The following NR2C1 variants were observed in gnomAD, a reference collection of about 807,000 sequenced individuals.
NR2C1 encodes TR2 nuclear hormone receptor.
Under a neutral mutation model 74.8 loss-of-function variants are expected in NR2C1, and 33 were observed. That is an observed-to-expected ratio of 0.44 (90% confidence interval 0.33 to 0.59). The LOEUF (loss-of-function observed/expected upper bound fraction) is 0.59. Ranked by LOEUF, NR2C1 falls within the 20% of genes least tolerant of loss-of-function variation. The pLI is 0.02. For missense variants in NR2C1, 568 were observed against 715.6 expected, an observed-to-expected ratio of 0.79 and a Z score of 2.35; for synonymous variants, 225 against 240.6, an observed-to-expected ratio of 0.94 and a Z score of 0.60.
Position 95,047,741 on chromosome 12 carries a change from T to C in NR2C1, c.1131+1327A>G, listed in dbSNP as rs370153661. ...ACATCTTGCTAAGAGTATCCACAGC[T>C]GAGTGGTTAAAATGGAAGAGTCAAA... is the stretch of plus-strand genomic sequence containing the variant. On this transcript the variant is annotated intron_variant, in intron 9 of 13. Transcript: ENST00000333003. Among the ~76,000 whole-genome samples the C allele has an allele frequency of 1.5e-4, 23 of 152,294 alleles. 1 individual carries two copies. The East Asian group carries it at 3.1e-3, about 20-fold the overall frequency.
chr12:95,047,073 A>T (rs1872407735), intron 9 of NR2C1, among the ~76,000 whole-genome samples: 1 of 152,192 alleles, frequency 6.6e-6, no homozygotes, highest in African/African-American at 2.4e-5. Context: ...CATTAACAAT[A>T]AACAGGTAAA....
At chr12:95,057,701 A>C (rs118175758) in intron 6 of NR2C1, 30 bp downstream of exon 6, 3 of 1,612,670 alleles carry the variant, frequency 1.9e-6, no homozygotes, top group Middle Eastern at 3.3e-4. Context: ...AAACAAAATG[A>C]CCAGCTACTC....
At chr12:95,058,007 T>C in intron 5 of NR2C1, 129 bp from the exon 6 acceptor site, 2 of 846,454 alleles carry the variant, frequency 2.4e-6, no homozygotes, top group Non-Finnish European at 3.6e-6. Context: ...AAGATAACCA[T>C]CAATCTTTAG....
intron 3 of NR2C1, among the ~76,000 whole-genome samples, chr12:95,061,817 T>C (rs1335114222): frequency 6.6e-6 from 1 of 152,242 alleles, no homozygotes; most frequent in Non-Finnish European, 1.5e-5. Flanking sequence ...AACATCGACA[T>C]AACCACAGGC....
chr12:95,040,666 A>G (rs1565846667), intron 9 of NR2C1, 69 bp from the exon 10 acceptor site: 3 of 1,467,704 alleles, frequency 2.0e-6, no homozygotes, highest in Admixed American at 4.1e-5. Flanking sequence ...TTTCTTTGAA[A>G]AAGTTTAAAC....
chr12:95,058,105 C>T lies in NR2C1; in HGVS notation c.544+205G>A, dbSNP rs189841477. On this transcript the variant is annotated intron_variant, in intron 5 of 13. Coordinates refer to ENST00000333003, the MANE Select transcript of NR2C1 (RefSeq NM_003297.4). The stretch of plus-strand genomic sequence containing the variant: ...CATTCTTTTTGCCAAACACAAACTA[C>T]AAATACGTGCTTTTTACACAGGTAT... 231 of 660,656 alleles carry T rather than the reference C, an allele frequency of 3.5e-4. 1 individual carries two copies. The African/African-American group carries it at 3.8e-3, about 11-fold the overall frequency. The allele number at this position is 660,656 out of a possible 1,614,324, so 40.9% of individuals were successfully genotyped here.
intron 11 of NR2C1, among the ~76,000 whole-genome samples, chr12:95,028,854 C>T (rs1869698192): frequency 6.6e-6 from 1 of 152,116 alleles, no homozygotes; most frequent in African/African-American, 2.4e-5. Context: ...TTCTTGAACT[C>T]CTGGGCTCAA....
intron 9 of NR2C1, among the ~76,000 whole-genome samples, chr12:95,045,186 T>G (rs971763003): frequency 1.3e-5 from 2 of 152,202 alleles, no homozygotes; most frequent in Non-Finnish European, 2.9e-5. Flanking sequence ...AACCAGTAAG[T>G]GCTATTGTCT....
At chr12:95,057,952 G>T in intron 5 of NR2C1, 74 bp from the exon 6 acceptor site, 1 of 1,237,448 alleles carries the variant, frequency 8.1e-7, no homozygotes, top group Non-Finnish European at 1.2e-6. Context: ...CTGTAGGTAA[G>T]CTTAATGCTG....
At chr12:95,032,067 C>G (rs773598673) in intron 10 of NR2C1, among the ~76,000 whole-genome samples, 1 of 152,166 alleles carries the variant, frequency 6.6e-6, no homozygotes, top group Admixed American at 6.6e-5. Context: ...AAGGTTTTGC[C>G]GTCTTGACCA....
chr12:95,039,081 AC>A (rs1329026291), intron 10 of NR2C1, among the ~76,000 whole-genome samples: 1 of 152,062 alleles, frequency 6.6e-6, no homozygotes, highest in African/African-American at 2.4e-5. Flanking sequence ...AACAAAAAAA[AC>A]CCCAGAAAAC....
At chr12:95,044,644 G>A (rs539070795) in intron 9 of NR2C1, among the ~76,000 whole-genome samples, 4 of 152,040 alleles carry the variant, frequency 2.6e-5, no homozygotes, top group South Asian at 2.1e-4. Flanking sequence ...CAGCACTTTG[G>A]GGGGGCCGAG....
At chr12:95,028,331 T>G in intron 12 of NR2C1, 56 bp downstream of exon 12, 1 of 1,466,264 alleles carries the variant, frequency 6.8e-7, no homozygotes, top group Non-Finnish European at 9.3e-7. Context: ...TGAGGGCTTC[T>G]ATTTCTCCAC....
At chr12:95,029,559 C>CT (rs34742046) in intron 11 of NR2C1, among the ~76,000 whole-genome samples, 58,830 of 130,044 alleles carry the variant, frequency 0.45, 13,359 homozygotes, top group African/African-American at 0.51. Context: ...GTAATGGTTC[C>CT]TTTTTTTTTT....
chr12:95,056,811 T>C (rs931158621), intron 7 of NR2C1, among the ~76,000 whole-genome samples: 1 of 151,842 alleles, frequency 6.6e-6, no homozygotes, highest in South Asian at 2.1e-4. Context: ...ACAAAAAAAT[T>C]AGCTGGGTGT....
intron 9 of NR2C1, among the ~76,000 whole-genome samples, chr12:95,048,451 G>A (rs189880997): frequency 3.3e-5 from 5 of 152,190 alleles, no homozygotes; most frequent in African/African-American, 9.6e-5. Flanking sequence ...ACTTTTAAAC[G>A]CAATAACTGC....
intron 1 of NR2C1, among the ~76,000 whole-genome samples, chr12:95,071,994 C>G (rs892836514): frequency 1.3e-5 from 2 of 151,680 alleles, no homozygotes; most frequent in East Asian, 4.0e-4. Context: ...ATGATCCGCC[C>G]ACCTCAGCCT....
intron 2 of NR2C1, among the ~76,000 whole-genome samples, chr12:95,065,042 A>T (rs2136196877): frequency 6.6e-6 from 1 of 152,340 alleles, no homozygotes; most frequent in East Asian, 1.9e-4. Flanking sequence ...AATGAGTAAA[A>T]GGACATTACT....
chr12:95,042,533 T>C (rs1286687902), intron 9 of NR2C1, among the ~76,000 whole-genome samples: 1 of 151,998 alleles, frequency 6.6e-6, no homozygotes, highest in Non-Finnish European at 1.5e-5. Flanking sequence ...ATCTGCTATC[T>C]AAAATACCGC....
Sources: gnomAD v4.1 joint callset for allele counts (sites outside exome capture counted in the v4.1 genomes callset) on GRCh38, gnomAD v4.1.1 for gene constraint, MANE v1.5 for transcripts, NCBI Gene and HGNC (gene_info 2026-07-23, HGNC 2026-07-21) for gene names.